Variants in BMERB1 observed in about 807,000 individuals in gnomAD.
BMERB1 encodes bMERB domain containing 1.
Under a neutral mutation model 23.6 loss-of-function variants are expected in BMERB1, and 12 were observed. The ratio of observed to expected loss-of-function variants is 0.51; its 90% CI spans 0.33 to 0.82. The LOEUF (loss-of-function observed/expected upper bound fraction) is 0.82, where lower values mean the gene tolerates loss of function less well. Ranked by LOEUF, BMERB1 falls within the 40% of genes least tolerant of loss-of-function variation. The pLI, the probability that BMERB1 is intolerant of heterozygous loss-of-function variation, is 0.03. For synonymous variants in BMERB1, 122 were observed against 96.6 expected (o/e 1.26, Z -1.54); for missense variants, 247 against 255.4 (o/e 0.97, Z 0.22).
chr16:15,485,477 A>G lies in BMERB1; in HGVS notation c.107-29828A>G, dbSNP rs1224725832. On this transcript the variant is annotated intron_variant, in intron 1 of 5. Coordinates refer to ENST00000300006, the MANE Select transcript of BMERB1 (RefSeq NM_033201.3). ...TGAGAAACCAATACTTTCTTTTTCCATCTCGCTTGTGTAATTTCTTCGGAG... is the reference window on the plus strand; with the variant it reads ...TGAGAAACCAATACTTTCTTTTTCCGTCTCGCTTGTGTAATTTCTTCGGAG... Among the ~76,000 whole-genome samples, 3 of 149,678 alleles carry G rather than the reference A, an allele frequency of 2.0e-5. No individual in the cohort carries two copies. The East Asian group carries it at 6.0e-4, about 30-fold the overall frequency.
chr16:15,448,921 T>G (rs966733610), intron 1 of BMERB1, among the ~76,000 whole-genome samples: 1 of 152,144 alleles, frequency 6.6e-6, no homozygotes, highest in African/African-American at 2.4e-5. Flanking sequence ...GTACCATGAA[T>G]GGGAACCGGC....
At chr16:15,543,053 T>C (rs565249130) in intron 2 of BMERB1, among the ~76,000 whole-genome samples, 1 of 152,228 alleles carries the variant, frequency 6.6e-6, no homozygotes, top group Admixed American at 6.5e-5. Flanking sequence ...AAGAATCAGG[T>C]CACATGGACT....
intron 1 of BMERB1, among the ~76,000 whole-genome samples, chr16:15,457,113 A>G (rs1342691238): frequency 6.6e-6 from 1 of 152,216 alleles, no homozygotes; most frequent in Non-Finnish European, 1.5e-5. Flanking sequence ...GGCATGAGGC[A>G]CTGTGCCCAG....
chr16:15,434,877 C>A, intron 1 of BMERB1, 118 bp downstream of exon 1: 1 of 829,340 alleles, frequency 1.2e-6, no homozygotes, highest in East Asian at 2.7e-5. Flanking sequence ...GCCCCCGCAG[C>A]GGGGCTGGCA....
At chr16:15,515,218 C>G (rs1263389222) in intron 1 of BMERB1, 87 bp from the exon 2 acceptor site, 13 of 1,584,250 alleles carry the variant, frequency 8.2e-6, no homozygotes, top group Non-Finnish European at 1.1e-5. Flanking sequence ...GGTCGCAGAG[C>G]AAGGCTGTGC....
chr16:15,481,923 G>T (rs939170981), intron 1 of BMERB1, among the ~76,000 whole-genome samples: 3 of 151,466 alleles, frequency 2.0e-5, no homozygotes, highest in East Asian at 1.9e-4. Flanking sequence ...TAGAGACGGG[G>T]TTTCACTACG....
At chr16:15,461,262 G>A (rs1598451162) in intron 1 of BMERB1, among the ~76,000 whole-genome samples, 1 of 152,070 alleles carries the variant, frequency 6.6e-6, no homozygotes, top group Non-Finnish European at 1.5e-5. Flanking sequence ...TGGCAGGAGC[G>A]ACCCCCGGGC....
chr16:15,481,834 C>T (rs1000255749), intron 1 of BMERB1, among the ~76,000 whole-genome samples: 2 of 151,600 alleles, frequency 1.3e-5, no homozygotes, highest in Non-Finnish European at 2.9e-5. Context: ...AAGCAACTCT[C>T]CTACCTCAGC....
intron 2 of BMERB1, among the ~76,000 whole-genome samples, chr16:15,549,168 A>G (rs4781674): frequency 0.35 from 53,201 of 151,248 alleles, 11,782 homozygotes; most frequent in African/African-American, 0.61. Flanking sequence ...GTAAAACCCC[A>G]ACTCTACTAA....
At chr16:15,550,050 C>T (rs1026898555) in intron 2 of BMERB1, among the ~76,000 whole-genome samples, 38 of 151,400 alleles carry the variant, frequency 2.5e-4, no homozygotes, top group African/African-American at 7.5e-4. Flanking sequence ...CCCGGGTTCA[C>T]GCCATGCTCC....
Position 15,529,078 on chromosome 16 carries a change from G to A in BMERB1, c.230+13650G>A, listed in dbSNP as rs928321794. On this transcript the variant is annotated intron_variant, in intron 2 of 5. Coordinates refer to ENST00000300006, the MANE Select transcript of BMERB1 (RefSeq NM_033201.3). ...CTAGCTCTGTCGCCCAGGCTGGAGT[G>A]CAGTGGTGCGATCTTGGCTCACTGC... 1.2e-4 allele frequency among the ~76,000 whole-genome samples: 19 copies of A among 152,268 alleles called. No individual in the cohort carries two copies. In the East Asian group the frequency reaches 3.5e-3, roughly 28 times the overall value.
intron 1 of BMERB1, among the ~76,000 whole-genome samples, chr16:15,490,168 C>T (rs2150938850): frequency 6.6e-6 from 1 of 152,084 alleles, no homozygotes; most frequent in South Asian, 2.1e-4. Context: ...CCCAGCCCTC[C>T]AGATCCAATA....
rs749191533 is a variant in BMERB1 at position 15,547,343 on chromosome 16, C to CT, written c.231-20626dup. On this transcript the variant is annotated intron_variant, in intron 2 of 5. Transcript: ENST00000300006. ...CCTTCAGCTTTGTTTTTTTCTTCTT[C>CT]TTTTTTTTTTTTTTAGTGACAGAGT... Among the ~76,000 whole-genome samples the CT allele has an allele frequency of 1.7e-3, 222 of 133,986 alleles. 1 individual carries two copies. The highest frequency in any genetic ancestry group is 4.4e-3 in the East Asian group (20 of 4,538). 87.9% of individuals were successfully genotyped at this position (133,986 alleles called of 152,430 possible). A position where few individuals can be genotyped will look rare whatever the true frequency, so the allele number is the denominator to read the frequency against.
rs1477321887 is a variant in BMERB1, at chr16:15,489,227, C to G, written c.107-26078C>G. 2.0e-5 allele frequency among the ~76,000 whole-genome samples: 3 copies of G among 152,022 alleles called. No homozygotes were observed. In the East Asian group the frequency reaches 5.8e-4, roughly 29 times the overall value. The stretch of plus-strand genomic sequence containing the variant: ...GGGAGCGGTGGTGCCAGTTGGTTCC[C>G]CAAAGGAAACAGGTCCTATTACCTA... On this transcript the variant is annotated intron_variant, in intron 1 of 5. Transcript: ENST00000300006.
chr16:15,578,413 C>CTAA (rs1207520029), intron 3 of BMERB1, among the ~76,000 whole-genome samples: 4 of 152,150 alleles, frequency 2.6e-5, no homozygotes, highest in African/African-American at 9.6e-5. Flanking sequence ...AGGGTCCATG[C>CTAA]TAATAAGTAT....
intron 1 of BMERB1, among the ~76,000 whole-genome samples, chr16:15,437,738 C>T (rs1598438425): frequency 6.6e-6 from 1 of 152,102 alleles, no homozygotes; most frequent in Non-Finnish European, 1.5e-5. Context: ...GCGGGCGGAT[C>T]ACAAGGTCAG....
intron 2 of BMERB1, among the ~76,000 whole-genome samples, chr16:15,560,752 C>T (rs775382659): frequency 1.2e-4 from 18 of 151,554 alleles, no homozygotes; most frequent in Non-Finnish European, 2.4e-4. Flanking sequence ...GAGATTGTGC[C>T]ACTGCATTCC....
intron 1 of BMERB1, among the ~76,000 whole-genome samples, chr16:15,443,477 G>A (rs1041914572): frequency 6.6e-6 from 1 of 152,126 alleles, no homozygotes; most frequent in African/African-American, 2.4e-5. Flanking sequence ...GGGCCCGGAA[G>A]CTGTGGTGAG....
At chr16:15,496,081 ATGATGG>A (rs908076540) in intron 1 of BMERB1, among the ~76,000 whole-genome samples, 46 of 151,770 alleles carry the variant, frequency 3.0e-4, no homozygotes, top group Admixed American at 1.9e-3. Context: ...AGTGATCGTG[ATGATGG>A]TGATGGTGAT....
Sources: allele counts gnomAD v4.1 joint callset (sites outside exome capture counted in the v4.1 genomes callset), GRCh38; gene constraint gnomAD v4.1.1; transcripts MANE v1.5; gene names NCBI Gene and HGNC (gene_info 2026-07-23, HGNC 2026-07-21).